The following DNTT variants were observed in gnomAD, a reference collection of about 807,000 sequenced individuals.
DNTT encodes the protein nucleosidetriphosphate:DNA deoxynucleotidylexotransferase.
Under a neutral mutation model 60.9 loss-of-function variants are expected in DNTT, and 47 were observed. The observed-to-expected ratio is 0.77, with a 90% CI of 0.61 to 0.98. The LOEUF (loss-of-function observed/expected upper bound fraction) is 0.98. Ranked by LOEUF, DNTT falls within the 50% of genes least tolerant of loss-of-function variation. The probability of loss-of-function intolerance (pLI) is 0.00; values close to 1 mark genes in which losing one functional copy is unlikely to be tolerated. For missense variants in DNTT, 665 were observed against 627.5 expected (o/e 1.06, Z -0.64); for synonymous variants, 224 against 221.2 (o/e 1.01, Z -0.11).
At chr10:96,332,239 A>C (rs1245509963) in intron 8 of DNTT, 112 bp from the exon 9 acceptor site, 2 of 1,482,770 alleles carry the variant, frequency 1.3e-6, no homozygotes, top group African/African-American at 2.8e-5. Flanking sequence ...GCAAGGCCAA[A>C]CACATGTCCA....
chr10:96,318,002 A>G (rs1844808454), intron 1 of DNTT, among the ~76,000 whole-genome samples: 1 of 152,208 alleles, frequency 6.6e-6, no homozygotes, highest in Non-Finnish European at 1.5e-5. Flanking sequence ...AAAGTCCTCC[A>G]CTAGTAAAAA....
chr10:96,307,634 G>A (rs755462889), intron 1 of DNTT, among the ~76,000 whole-genome samples: 11 of 148,214 alleles, frequency 7.4e-5, no homozygotes, highest in East Asian at 5.9e-4. Flanking sequence ...GATTACAAGC[G>A]TGAGCACCGT....
At position 96,338,523 on chromosome 10, in the gene DNTT, G is replaced by A. The variant is rs1845099554; in HGVS notation, c.*299G>A. The A allele has an allele frequency of 1.3e-5, 3 of 232,298 alleles. No individual in the cohort carries two copies. In the Admixed American group the frequency reaches 1.5e-4, roughly 12 times the overall value. The allele number at this position is 232,298 out of a possible 1,614,324, so 14.4% of individuals were successfully genotyped here. On this transcript the variant is annotated 3_prime_UTR_variant, in exon 11 of 11. Transcript: ENST00000371174. ...CAAAGCCCACTTTGTTCGCAGTGTA[G>A]CTGAAATACTGTCTATCTCTAATAA...
chr10:96,334,231 T>A (rs982644597), intron 9 of DNTT, among the ~76,000 whole-genome samples: 5 of 152,208 alleles, frequency 3.3e-5, no homozygotes, highest in African/African-American at 1.2e-4. Flanking sequence ...ACAAGTTCTC[T>A]ATATCCTGTA....
intron 9 of DNTT, among the ~76,000 whole-genome samples, chr10:96,335,197 C>T (rs1234037504): frequency 6.6e-6 from 1 of 152,192 alleles, no homozygotes; most frequent in Non-Finnish European, 1.5e-5. Context: ...CAATTCGTTG[C>T]CCTCCTTTCC....
At chr10:96,310,452 G>A (rs1472958325) in intron 1 of DNTT, among the ~76,000 whole-genome samples, 1 of 151,798 alleles carries the variant, frequency 6.6e-6, no homozygotes, top group East Asian at 1.9e-4. Flanking sequence ...GCCAGGCCCA[G>A]AATCCAAACA....
intron 10 of DNTT, 142 bp downstream of exon 10, chr10:96,336,116 G>A: frequency 1.2e-6 from 1 of 818,366 alleles, no homozygotes; most frequent in Non-Finnish European, 2.0e-6. Context: ...CATAGTTGAG[G>A]GCAGCAAGAA....
At chr10:96,307,367 T>G (rs201416599) in intron 1 of DNTT, among the ~76,000 whole-genome samples, 11,231 of 137,812 alleles carry the variant, frequency 0.081, 470 homozygotes, top group South Asian at 0.15. Flanking sequence ...TTTTTTTTTT[T>G]TTTTTTTGAG....
chr10:96,319,729 A>G (rs576599083), intron 3 of DNTT, among the ~76,000 whole-genome samples: 2 of 152,376 alleles, frequency 1.3e-5, no homozygotes, highest in East Asian at 3.8e-4. Context: ...AGTAAGAGCA[A>G]ATTACATAGA....
chr10:96,335,033 C>T (rs1845050327), intron 9 of DNTT, among the ~76,000 whole-genome samples: 1 of 152,184 alleles, frequency 6.6e-6, no homozygotes, highest in Admixed American at 6.5e-5. Flanking sequence ...ATTGCAAAGT[C>T]CATCTCCTCA....
At position 96,306,091 on chromosome 10, in the gene DNTT, GA is replaced by G. The variant is rs777279000; in HGVS notation, c.203+1392del. 3.6e-5 allele frequency among the ~76,000 whole-genome samples: 5 copies of G among 138,072 alleles called. 1 individual carries two copies. In the East Asian group the frequency reaches 6.9e-4, roughly 19 times the overall value. The allele number at this position is 138,072 out of a possible 152,430, so 90.6% of individuals were successfully genotyped here. A position where few individuals can be genotyped will look rare whatever the true frequency, so the allele number is the denominator to read the frequency against. On this transcript the variant is annotated intron_variant, in intron 1 of 10. Coordinates refer to ENST00000371174, the MANE Select transcript of DNTT (RefSeq NM_004088.4). ...TATAGGTAAAGAAGCCAAAAAAATA[GA>G]TTTTTTTTTTTTTTTTTTTGAGACA... is the stretch of plus-strand genomic sequence containing the variant.
At position 96,331,827 on chromosome 10, in the gene DNTT, G is replaced by A. The variant is rs149164757; in HGVS notation, c.1114-524G>A. Among the ~76,000 whole-genome samples the A allele has an allele frequency of 3.2e-3, 483 of 152,204 alleles. 6 individuals carry two copies. Among genetic ancestry groups the A allele is most frequent in the Middle Eastern group, 0.024 (7 of 294 alleles). On this transcript the variant is annotated intron_variant, in intron 8 of 10. Coordinates refer to ENST00000371174, the MANE Select transcript of DNTT (RefSeq NM_004088.4). The stretch of plus-strand genomic sequence containing the variant: ...GGGTCTTGCTCTGTCTCCCAGGCTA[G>A]TGTGCACTGGTGTGATTACAGCTTA...
At chr10:96,333,204 G>C (rs529972465) in intron 9 of DNTT, among the ~76,000 whole-genome samples, 1 of 152,312 alleles carries the variant, frequency 6.6e-6, no homozygotes, top group East Asian at 1.9e-4. Context: ...ATGGCAAGCA[G>C]ATATTGCCAT....
Position 96,320,801 on chromosome 10 carries a change from T to G in DNTT, c.678+13T>G, listed in dbSNP as rs1448561011. The G allele has an allele frequency of 1.9e-6, 3 of 1,612,524 alleles. No homozygotes were observed. ...GGGTATCATAGAGGTAAGGGTGAAA[T>G]GGGATTTGTCCCACTTCCCAATAGG... On this transcript the variant is annotated intron_variant, in intron 4 of 10. Transcript: ENST00000371174.
In DNTT at chr10:96,304,541, G is replaced by A; in HGVS notation, c.44G>A (p.Arg15Lys). Residue 15 changes from arginine to lysine, a missense_variant, in exon 1 of 11, where the codon AGA (arginine) becomes AAA (lysine). By Grantham distance (26) the Arg-to-Lys change is conservative (BLOSUM62 2). Coordinates refer to ENST00000371174, the MANE Select transcript of DNTT (RefSeq NM_004088.4). ...RASHLSPRKK[R>K]PRQTGALMAS... The stretch of plus-strand genomic sequence containing the variant: ...TCCCACTTGAGCCCTCGGAAGAAGA[G>A]ACCCCGGCAGACGGGTGCCTTGATG... The A allele has an allele frequency of 6.2e-7, 1 of 1,614,110 alleles. No homozygotes were observed. The highest frequency in any genetic ancestry group is 8.5e-7 in the Non-Finnish European group (1 of 1,180,008).
chr10:96,307,634 G>C (rs755462889), intron 1 of DNTT, among the ~76,000 whole-genome samples: 17 of 148,192 alleles, frequency 1.1e-4, no homozygotes, highest in Non-Finnish European at 1.6e-4. Context: ...GATTACAAGC[G>C]TGAGCACCGT....
chr10:96,314,141 C>T (rs939414816), intron 1 of DNTT, among the ~76,000 whole-genome samples: 1 of 152,158 alleles, frequency 6.6e-6, no homozygotes, highest in Non-Finnish European at 1.5e-5. Flanking sequence ...ACGTTTACTG[C>T]TGTTATATAG....
At chr10:96,321,571 G>T (rs1844880099) in intron 4 of DNTT, among the ~76,000 whole-genome samples, 1 of 152,132 alleles carries the variant, frequency 6.6e-6, no homozygotes, top group South Asian at 2.1e-4. Context: ...AATGGAAGCT[G>T]CTGATTACCA....
At chr10:96,319,489 A>G in intron 3 of DNTT, 99 bp downstream of exon 3, 1 of 1,549,152 alleles carries the variant, frequency 6.5e-7, no homozygotes, top group Non-Finnish European at 8.8e-7. Flanking sequence ...AAAACCTGGG[A>G]AAGTTTTCCT....
Sources: gnomAD v4.1 joint callset for allele counts (sites outside exome capture counted in the v4.1 genomes callset) on GRCh38, gnomAD v4.1.1 for gene constraint, MANE v1.5 for transcripts, NCBI Gene and HGNC (gene_info 2026-07-23, HGNC 2026-07-21) for gene names.